CIDEB: variants seen among roughly 807,000 people sequenced by gnomAD.
CIDEB encodes the protein lipid transferase CIDEB.
In CIDEB, 27 loss-of-function variants were observed where a neutral mutation model predicts 22.4. The observed-to-expected ratio is 1.21, with a 90% CI of 0.89 to 1.66. CIDEB has a LOEUF of 1.66. CIDEB is among the 40% of genes most tolerant of loss of function. The pLI is 0.00. For synonymous variants in CIDEB, 103 were observed against 109.5 expected (o/e 0.94, Z 0.37); for missense variants, 289 against 268.7 (o/e 1.08, Z -0.53).
At chr14:24,307,286 C>T in intron 2 of CIDEB, 85 bp downstream of exon 2, 1 of 1,455,886 alleles carries the variant, frequency 6.9e-7, no homozygotes, top group South Asian at 1.3e-5. Context: ...GACTTCAGCC[C>T]TCTGCTCCAT....
upstream of CIDEB, chr14:24,310,652 T>C: frequency 6.2e-7 from 1 of 1,614,020 alleles, no homozygotes. Context: ...CACCCACCTG[T>C]AGGCCCAGAA....
upstream of CIDEB, chr14:24,310,754 G>C (rs753012005): frequency 6.2e-7 from 1 of 1,610,334 alleles, no homozygotes; most frequent in East Asian, 2.2e-5. Context: ...TGCTGCTGGC[G>C]GCGCTGCTGG....
upstream of CIDEB, chr14:24,310,927 C>T (rs1256649621): frequency 4.4e-6 from 7 of 1,589,876 alleles, no homozygotes; most frequent in Admixed American, 3.4e-5. Flanking sequence ...CAGGCCTGGC[C>T]GCTGGGCCAG....
chr14:24,307,583 G>A (rs2041556329), intron 1 of CIDEB, 68 bp from the exon 2 acceptor site: 2 of 1,552,586 alleles, frequency 1.3e-6, no homozygotes, highest in African/African-American at 1.4e-5. Flanking sequence ...GGCATGATGA[G>A]GGTAGAGTGG....
chr14:24,310,541 G>C (rs1195144153), upstream of CIDEB: 9 of 1,066,028 alleles, frequency 8.4e-6, no homozygotes, highest in African/African-American at 1.6e-5. Context: ...AGGCAGAAAA[G>C]AGGCAGGCTG....
intron 2 of CIDEB, chr14:24,306,812 C>T (rs74476682): frequency 0.06 from 27,635 of 458,018 alleles, 981 homozygotes; most frequent in South Asian, 0.096. Context: ...CAGGTTCTCA[C>T]GAAGTCCACC....
In CIDEB at chr14:24,305,685, G is replaced by C. The variant is rs978203743; in HGVS notation, c.608C>G (p.Ala203Gly). ...CTGCCACTGCTCAGCCCCCTCCACT[G>C]CATGACGAAGGGTGGAGGAAATTCC... Reference protein sequence around the residue: ...LLGISSTLRHAVEGAEQWQQK... With the variant: ...LLGISSTLRHGVEGAEQWQQK... The change falls in exon 5 of 5, where the codon GCA becomes GGA. Residue 203 changes from alanine to glycine, a missense_variant. By Grantham distance (60) the Ala-to-Gly change is moderately conservative. Transcript: ENST00000554411. The C allele has an allele frequency of 1.9e-6, 3 of 1,614,088 alleles. No homozygotes were observed. In the African/African-American group the frequency reaches 4.0e-5, roughly 22 times the overall value.
At chr14:24,311,144 C>T, upstream of CIDEB, 1 of 1,595,604 alleles carries the variant, frequency 6.3e-7, no homozygotes, top group Non-Finnish European at 8.5e-7. Flanking sequence ...CCGTCTACCG[C>T]CACCTGTGGA....
chr14:24,311,431 A>G (rs1215158673), upstream of CIDEB: 1 of 1,601,316 alleles, frequency 6.2e-7, no homozygotes. Context: ...GCTCCACCGG[A>G]AGGGGCCTTG....
Position 24,307,916 on chromosome 14 carries a change from T to C in CIDEB, c.-58A>G. On this transcript the variant is annotated 5_prime_UTR_variant, in exon 1 of 5. Coordinates refer to ENST00000554411, the MANE Select transcript of CIDEB (RefSeq NM_001393339.1). ...TGGGCTGGGTGGTTCTCTCCTGTGC[T>C]GGGGCTTTAGTGGTGTTTTCTGTTA... 1 of 1,472,258 alleles carries C rather than the reference T, an allele frequency of 6.8e-7. No individual in the cohort carries two copies. Among genetic ancestry groups the C allele is most frequent in the South Asian group, 1.2e-5 (1 of 82,706 alleles). 91.2% of individuals were successfully genotyped at this position (1,472,258 alleles called of 1,614,324 possible).
At chr14:24,308,161 G>A (rs770040041), upstream of CIDEB, 60 of 435,578 alleles carry the variant, frequency 1.4e-4, no homozygotes, top group Non-Finnish European at 2.2e-4. Context: ...CCATGTAAAA[G>A]GATGAAATGT....
upstream of CIDEB, chr14:24,308,277 A>C (rs1594631096): frequency 4.0e-6 from 1 of 247,348 alleles, no homozygotes; most frequent in Non-Finnish European, 8.1e-6. Flanking sequence ...GTGTGCTGCC[A>C]CCTACTGGAG....
At chr14:24,309,968 C>T (rs1358510807), upstream of CIDEB, 5 of 158,132 alleles carry the variant, frequency 3.2e-5, no homozygotes, top group Non-Finnish European at 6.9e-5. Context: ...CAGAGTCCTC[C>T]TATTTCCTTC....
At chr14:24,305,868 G>A in intron 4 of CIDEB, 79 bp downstream of exon 4, 2 of 1,580,850 alleles carry the variant, frequency 1.3e-6, no homozygotes, top group South Asian at 1.2e-5. Flanking sequence ...CTAACTAGGG[G>A]TAGGTGGGTG....
At position 24,306,175 on chromosome 14, in the gene CIDEB, C is replaced by T. The variant is rs758925025; in HGVS notation, c.337-38G>A. ...CTTGTCAGTGCAGTAGATCCTCATA[C>T]CAGACACCCACCACTAATCTCCATC... On this transcript the variant is annotated intron_variant, in intron 3 of 4. Coordinates refer to ENST00000554411, the MANE Select transcript of CIDEB (RefSeq NM_001393339.1). 3.1e-6 allele frequency: 5 copies of T among 1,592,628 alleles called. No homozygotes were observed. The South Asian group carries it at 3.4e-5, about 11-fold the overall frequency.
Position 24,307,382 on chromosome 14 carries a change from GCTC to G in CIDEB, c.172_174del (p.Glu58del). On this transcript the variant is annotated inframe_deletion, in exon 2 of 5. Transcript: ENST00000554411. ...CTTGGCCTACTTACTTTGGCTAGCA[GCTC>G]CTGGCGGGTGGCAGCTGTCAGGCCT... 2.5e-6 allele frequency: 4 copies of G among 1,613,678 alleles called. No homozygotes were observed.
At position 24,306,573 on chromosome 14, in the gene CIDEB, C is replaced by G. The variant is rs976450178; in HGVS notation, c.187-50G>C. ...GGGCAGGTCTTATCCCATGCCCCTT[C>G]CCTCTTTAGCTGCCCAACATCCATC... On this transcript the variant is annotated intron_variant, in intron 2 of 4. Transcript: ENST00000554411. 6 of 1,610,192 alleles carry G rather than the reference C, an allele frequency of 3.7e-6. No individual in the cohort carries two copies. The African/African-American group carries it at 6.7e-5, about 18-fold the overall frequency.
At chr14:24,307,693 C>T in intron 1 of CIDEB, 125 bp downstream of exon 1, 1 of 1,279,756 alleles carries the variant, frequency 7.8e-7, no homozygotes, top group Non-Finnish European at 1.1e-6. Context: ...GCTTGACAAG[C>T]CCACTGTGGA....
At position 24,305,600 on chromosome 14, in the gene CIDEB, G is replaced by A; in HGVS notation, c.*33C>T. 6.3e-7 allele frequency: 1 copy of A among 1,598,470 alleles called. No individual in the cohort carries two copies. The highest frequency in any genetic ancestry group is 8.5e-7 in the Non-Finnish European group (1 of 1,172,828). On this transcript the variant is annotated 3_prime_UTR_variant, in exon 5 of 5. Coordinates refer to ENST00000554411, the MANE Select transcript of CIDEB (RefSeq NM_001393339.1). Reference sequence around the variant, plus strand: ...TCATAGTCTTTGCAGTGGGTCGGTTGGAATGATTCTGGGGGCAGAAGCTCA... The same window carrying A: ...TCATAGTCTTTGCAGTGGGTCGGTTAGAATGATTCTGGGGGCAGAAGCTCA...
Sources: gnomAD v4.1 joint callset for allele counts on GRCh38, gnomAD v4.1.1 for gene constraint, MANE v1.5 for transcripts, NCBI Gene and HGNC (gene_info 2026-07-23, HGNC 2026-07-21) for gene names.